Variants in REV1 observed in about 807,000 individuals in gnomAD.
REV1 encodes translesion synthesis protein REV1.
In REV1, 42 loss-of-function variants were observed where a neutral mutation model predicts 137.4. The ratio of observed to expected loss-of-function variants is 0.31; its 90% CI spans 0.24 to 0.40. The LOEUF is 0.40. Ranked by LOEUF, REV1 falls within the 10% of genes least tolerant of loss-of-function variation. The pLI, the probability that REV1 is intolerant of heterozygous loss-of-function variation, is 1.00. For missense variants in REV1, 1,282 were observed against 1,490.1 expected (o/e 0.86, Z 2.30); for synonymous variants, 524 against 519.2 (o/e 1.01, Z -0.12).
At chr2:99,443,090 C>G (rs1294246965) in intron 4 of REV1, among the ~76,000 whole-genome samples, 1 of 152,158 alleles carries the variant, frequency 6.6e-6, no homozygotes, top group African/African-American at 2.4e-5. Flanking sequence ...TACTTCAGAA[C>G]TAAAACTAAT....
At chr2:99,403,433 T>C (rs867635971) in intron 19 of REV1, 2 of 570,300 alleles carry the variant, frequency 3.5e-6, no homozygotes, top group South Asian at 2.3e-5. Context: ...TGAACAAGTA[T>C]TTAAGACATT....
intron 1 of REV1, among the ~76,000 whole-genome samples, chr2:99,476,962 C>T (rs1559416072): frequency 6.6e-6 from 1 of 152,304 alleles, no homozygotes; most frequent in East Asian, 1.9e-4. Context: ...GTAATAAATC[C>T]AACCATAAGT....
intron 1 of REV1, among the ~76,000 whole-genome samples, chr2:99,488,850 A>G (rs6714244): frequency 0.61 from 92,623 of 152,128 alleles, 28,912 homozygotes; most frequent in African/African-American, 0.72. Flanking sequence ...ACAGAATTAC[A>G]GACTGTTACA....
In REV1 at chr2:99,443,806, G is replaced by T. The variant is rs536091157; in HGVS notation, c.351-1337C>A. On this transcript the variant is annotated intron_variant, in intron 4 of 22. Coordinates refer to ENST00000258428, the MANE Select transcript of REV1 (RefSeq NM_016316.4). ...TATTAGAATCGAAACCCTAAAATTCGACTATTTTTTACTTTATTCTTCCTC... is the reference window on the plus strand; with the variant it reads ...TATTAGAATCGAAACCCTAAAATTCTACTATTTTTTACTTTATTCTTCCTC... 4.6e-5 allele frequency among the ~76,000 whole-genome samples: 7 copies of T among 151,484 alleles called. 1 individual carries two copies. In the East Asian group the frequency reaches 1.4e-3, roughly 29 times the overall value.
chr2:99,469,748 T>C (rs1685194113), intron 1 of REV1, among the ~76,000 whole-genome samples: 1 of 152,244 alleles, frequency 6.6e-6, no homozygotes, highest in East Asian at 1.9e-4. Flanking sequence ...CACACTACTA[T>C]CAGTTCATTC....
chr2:99,457,757 C>T (rs2105056210), intron 3 of REV1, among the ~76,000 whole-genome samples: 1 of 150,654 alleles, frequency 6.6e-6, no homozygotes, highest in South Asian at 2.1e-4. Context: ...AAAGAAGAAA[C>T]AAGTGAAAGC....
Position 99,402,684 on chromosome 2 carries a change from A to T in REV1, c.3501T>A (p.Asp1167Glu). 1 of 1,614,232 alleles carries T rather than the reference A, an allele frequency of 6.2e-7. No individual in the cohort carries two copies. The highest frequency in any genetic ancestry group is 1.6e-4 in the Middle Eastern group (1 of 6,062). Reference sequence around the variant, plus strand: ...TCCATTCTCTGAGCAAGGTCTTCACATCATTGAATTCAACAGCTCCAGCTA... The same window carrying T: ...TCCATTCTCTGAGCAAGGTCTTCACTTCATTGAATTCAACAGCTCCAGCTA... ...PNLAGAVEFNDVKTLLREWIT... is the reference protein window; with the variant it reads ...PNLAGAVEFNEVKTLLREWIT... The change falls in exon 21 of 23, where the codon GAT becomes GAA. Residue 1167 changes from aspartate to glutamate, a missense_variant. By Grantham distance (45) the Asp-to-Glu change is conservative. Coordinates refer to ENST00000258428, the MANE Select transcript of REV1 (RefSeq NM_016316.4).
intron 1 of REV1, among the ~76,000 whole-genome samples, chr2:99,487,224 G>A (rs1354966643): frequency 8.5e-5 from 13 of 152,204 alleles, no homozygotes; most frequent in Non-Finnish European, 1.8e-4. Flanking sequence ...AAGAGGTAAC[G>A]TTAGAAGCTG....
intron 9 of REV1, among the ~76,000 whole-genome samples, chr2:99,428,916 T>C (rs1022712869): frequency 6.3e-5 from 9 of 142,210 alleles, no homozygotes; most frequent in Admixed American, 1.5e-4. Flanking sequence ...GGCATGAACC[T>C]GGGAGGTGGA....
chr2:99,408,211 A>G, intron 14 of REV1, 80 bp from the exon 15 acceptor site: 3 of 711,540 alleles, frequency 4.2e-6, no homozygotes, highest in Non-Finnish European at 6.6e-6. Context: ...AACTGTTTAA[A>G]AGAGTTATAG....
chr2:99,438,821 C>G lies in REV1; in HGVS notation c.993G>C (p.Thr331=), dbSNP rs368812454. ...SSTKSTSSVS[T]FSKAAPSVPS... ...GCACTGAAGGTGCTGCCTTGCTAAA[C>G]GTAGATACTGAAGAAGTGCTTTTTG... is the stretch of plus-strand genomic sequence containing the variant. The change falls in exon 6 of 23, where the codon ACG becomes ACC. Residue 331 remains threonine (T), a synonymous_variant. Transcript: ENST00000258428. 2.5e-6 allele frequency: 4 copies of G among 1,614,204 alleles called. No homozygotes were observed. The highest frequency in any genetic ancestry group is 3.4e-6 in the Non-Finnish European group (4 of 1,180,026).
intron 1 of REV1, among the ~76,000 whole-genome samples, chr2:99,466,465 C>G (rs1212105399): frequency 6.6e-6 from 1 of 151,708 alleles, no homozygotes; most frequent in Non-Finnish European, 1.5e-5. Flanking sequence ...TGGTCTTGAA[C>G]CTCTGACCTC....
chr2:99,443,547 A>G (rs1398702131), intron 4 of REV1, among the ~76,000 whole-genome samples: 2 of 152,210 alleles, frequency 1.3e-5, no homozygotes, highest in Non-Finnish European at 2.9e-5. Context: ...TAAAAACGGA[A>G]CTATATATGA....
rs185776830 is a variant in REV1 at position 99,442,122 on chromosome 2, C to G, written c.503+195G>C. On this transcript the variant is annotated intron_variant, in intron 5 of 22. Coordinates refer to ENST00000258428, the MANE Select transcript of REV1 (RefSeq NM_016316.4). ...CAAAAATTAGCCAGGCGTGGTGGCA[C>G]ACGCCTGTAAGCCTAGCTACTCGGG... is the stretch of plus-strand genomic sequence containing the variant. Among the ~76,000 whole-genome samples the G allele has an allele frequency of 8.4e-3, 1,284 of 151,996 alleles. 10 individuals are homozygous for G. The highest frequency in any genetic ancestry group is 0.013 in the Non-Finnish European group (865 of 67,962).
In REV1 at chr2:99,403,685, C is replaced by T. The variant is rs1468202085; in HGVS notation, c.3166+10G>A. 4 of 1,614,148 alleles carry T rather than the reference C, an allele frequency of 2.5e-6. No homozygotes were observed. The highest frequency in any genetic ancestry group is 2.5e-6 in the Non-Finnish European group (3 of 1,180,012). On this transcript the variant is annotated intron_variant, in intron 19 of 22. Transcript: ENST00000258428. ...CTTCATTTTTGTTACATGCCACTTC[C>T]AAGGCTCACCAGATGCGCTGGCTGA...
intron 1 of REV1, among the ~76,000 whole-genome samples, chr2:99,475,177 AG>A (rs1685834343): frequency 6.6e-6 from 1 of 152,232 alleles, no homozygotes; most frequent in Non-Finnish European, 1.5e-5. Flanking sequence ...CAAAGGAGAC[AG>A]GGTCATTTAT....
intron 9 of REV1, among the ~76,000 whole-genome samples, chr2:99,425,549 A>G (rs1679224410): frequency 6.6e-6 from 1 of 152,238 alleles, no homozygotes; most frequent in African/African-American, 2.4e-5. Flanking sequence ...GGCTTTGTCC[A>G]CTAATGAAGA....
At chr2:99,424,910 A>G (rs1262194959) in intron 9 of REV1, 1 of 1,298,534 alleles carries the variant, frequency 7.7e-7, no homozygotes, top group Non-Finnish European at 1.0e-6. Context: ...CTAATTGAAA[A>G]TGGTAAATTT....
At chr2:99,416,969 G>A (rs1677975520) in intron 12 of REV1, among the ~76,000 whole-genome samples, 1 of 149,920 alleles carries the variant, frequency 6.7e-6, no homozygotes, top group Non-Finnish European at 1.5e-5. Context: ...GCAAATGAAG[G>A]TGAATGGTAG....
Sources: gnomAD v4.1 joint callset for allele counts (sites outside exome capture counted in the v4.1 genomes callset) on GRCh38, gnomAD v4.1.1 for gene constraint, MANE v1.5 for transcripts, NCBI Gene and HGNC (gene_info 2026-07-23, HGNC 2026-07-21) for gene names.